Variants in LUZP2 observed in about 807,000 individuals in gnomAD.
The protein encoded by LUZP2 is leucine zipper protein 2.
LUZP2 carries 52 observed loss-of-function variants against 51.6 expected under a neutral mutation model. The observed-to-expected ratio is 1.01, with a 90% confidence interval of 0.81 to 1.27. The LOEUF (loss-of-function observed/expected upper bound fraction) is 1.27, where lower values mean the gene tolerates loss of function less well. LUZP2 is among the 50% of genes most tolerant of loss of function. The pLI is 0.00. For missense variants in LUZP2, 436 were observed against 395.4 expected, an observed-to-expected ratio of 1.10 and a Z score of -0.87; for synonymous variants, 154 against 137.3, an observed-to-expected ratio of 1.12 and a Z score of -0.85.
intron 5 of LUZP2, among the ~76,000 whole-genome samples, chr11:24,887,306 G>A (rs1258966013): frequency 1.3e-5 from 2 of 152,162 alleles, no homozygotes; most frequent in African/African-American, 4.8e-5. Flanking sequence ...GCAGGGATGT[G>A]CAATGAATCT....
At chr11:24,822,008 C>G (rs1170409973) in intron 5 of LUZP2, among the ~76,000 whole-genome samples, 2 of 149,856 alleles carry the variant, frequency 1.3e-5, no homozygotes, top group Non-Finnish European at 3.0e-5. Flanking sequence ...TGACAGTTTA[C>G]TTAATATTAT....
chr11:24,572,106 G>A (rs556349929), intron 1 of LUZP2, among the ~76,000 whole-genome samples: 49 of 151,934 alleles, frequency 3.2e-4, no homozygotes, highest in Non-Finnish European at 5.9e-4. Context: ...TATATGGGAC[G>A]GAAGCCCAAT....
chr11:24,710,830 G>GT (rs1207853242), intron 1 of LUZP2, among the ~76,000 whole-genome samples: 5 of 151,772 alleles, frequency 3.3e-5, no homozygotes, highest in African/African-American at 7.3e-5. Context: ...CAGGTACAAT[G>GT]TTTTAGTCAT....
At chr11:25,073,969 C>T (rs550890925) in intron 10 of LUZP2, among the ~76,000 whole-genome samples, 109 of 152,148 alleles carry the variant, frequency 7.2e-4, no homozygotes, top group Non-Finnish European at 1.2e-3. Flanking sequence ...CGAAGCCCAG[C>T]GAAAAATAAC....
At chr11:24,673,451 CT>C (rs1856459747) in intron 1 of LUZP2, among the ~76,000 whole-genome samples, 1 of 152,260 alleles carries the variant, frequency 6.6e-6, no homozygotes, top group African/African-American at 2.4e-5. Flanking sequence ...CTAGATGGTC[CT>C]TGCAGGGTGC....
At chr11:24,564,091 G>C (rs1473301792) in intron 1 of LUZP2, among the ~76,000 whole-genome samples, 1 of 152,098 alleles carries the variant, frequency 6.6e-6, no homozygotes, top group African/African-American at 2.4e-5. Flanking sequence ...TGACACTCCT[G>C]TGATTTTACT....
intron 9 of LUZP2, among the ~76,000 whole-genome samples, chr11:24,997,364 G>A (rs1177054056): frequency 2.6e-5 from 4 of 152,170 alleles, no homozygotes; most frequent in Non-Finnish European, 5.9e-5. Context: ...TTTCTCTGAT[G>A]GCCAGTGATG....
intron 1 of LUZP2, among the ~76,000 whole-genome samples, chr11:24,724,641 C>T (rs528592565): frequency 6.6e-6 from 1 of 152,238 alleles, no homozygotes; most frequent in South Asian, 2.1e-4. Flanking sequence ...CTATCACCTC[C>T]TCTATTCGAC....
intron 1 of LUZP2, among the ~76,000 whole-genome samples, chr11:24,630,386 C>A (rs549150193): frequency 3.3e-5 from 5 of 151,864 alleles, no homozygotes; most frequent in Non-Finnish European, 5.9e-5. Context: ...AATAAGGGTC[C>A]GGTTTTATTC....
chr11:24,608,276 A>G (rs1397070623), intron 1 of LUZP2, among the ~76,000 whole-genome samples: 3 of 152,212 alleles, frequency 2.0e-5, no homozygotes, highest in African/African-American at 4.8e-5. Flanking sequence ...TTGACTACCA[A>G]TTTAACACAG....
At chr11:24,833,932 A>G (rs1372972632) in intron 5 of LUZP2, among the ~76,000 whole-genome samples, 1 of 152,208 alleles carries the variant, frequency 6.6e-6, no homozygotes, top group East Asian at 1.9e-4. Flanking sequence ...GAAACATAAG[A>G]AAATGTCTGG....
At position 24,611,807 on chromosome 11, in the gene LUZP2, A is replaced by T. The variant is rs77505242; in HGVS notation, c.62+114502A>T. Reference sequence around the variant, plus strand: ...AATAAGAAAAGGGATACAAAGAGACATAACCGTAATTTATATAAACTGACT... The same window carrying T: ...AATAAGAAAAGGGATACAAAGAGACTTAACCGTAATTTATATAAACTGACT... On this transcript the variant is annotated intron_variant, in intron 1 of 11. Coordinates refer to ENST00000336930, the MANE Select transcript of LUZP2 (RefSeq NM_001009909.4). This position sits in a 1 kb window ranked among gnomAD's most constrained non-coding sequence, Gnocchi z 4.6. 2.6e-3 allele frequency among the ~76,000 whole-genome samples: 396 copies of T among 152,300 alleles called. 2 individuals are homozygous for T. The highest frequency in any genetic ancestry group is 9.3e-3 in the African/African-American group (386 of 41,578).
intron 9 of LUZP2, among the ~76,000 whole-genome samples, chr11:25,043,347 T>A (rs1298223290): frequency 6.6e-6 from 1 of 152,106 alleles, no homozygotes; most frequent in East Asian, 1.9e-4. Flanking sequence ...TCAATCTTTT[T>A]TTAATCCACA....
At chr11:24,771,904 T>C (rs140981439) in intron 5 of LUZP2, among the ~76,000 whole-genome samples, 1,875 of 152,268 alleles carry the variant, frequency 0.012, 29 homozygotes, top group African/African-American at 0.041. Context: ...ACCTCCATGA[T>C]TGTCAGACCT....
intron 1 of LUZP2, among the ~76,000 whole-genome samples, chr11:24,625,829 C>T (rs1854658223): frequency 6.6e-6 from 1 of 152,014 alleles, no homozygotes; most frequent in Admixed American, 6.6e-5. Flanking sequence ...AGCTGAATGG[C>T]ATGGTATTCA....
chr11:24,729,992 G>C (rs1490195992), intron 2 of LUZP2, among the ~76,000 whole-genome samples: 2 of 151,740 alleles, frequency 1.3e-5, no homozygotes, highest in East Asian at 3.9e-4. Context: ...TTTACATGTA[G>C]ACAATCTAGC....
chr11:24,569,983 A>G (rs1852381964), intron 1 of LUZP2, among the ~76,000 whole-genome samples: 2 of 152,130 alleles, frequency 1.3e-5, no homozygotes, highest in Admixed American at 1.3e-4. Flanking sequence ...CACATCATTT[A>G]CATACTGACA....
intron 9 of LUZP2, among the ~76,000 whole-genome samples, chr11:25,019,499 A>G (rs1019042422): frequency 6.6e-6 from 1 of 152,068 alleles, no homozygotes; most frequent in South Asian, 2.1e-4. Flanking sequence ...TGAATTTTTA[A>G]TTATTATTAT....
chr11:24,653,797 G>A (rs1855715281), intron 1 of LUZP2, among the ~76,000 whole-genome samples: 1 of 152,170 alleles, frequency 6.6e-6, no homozygotes, highest in Non-Finnish European at 1.5e-5. Context: ...GTTTCAAGAA[G>A]AGAGTCTACA....
Sources: allele counts gnomAD v4.1 joint callset (sites outside exome capture counted in the v4.1 genomes callset), GRCh38; gene constraint gnomAD v4.1.1; non-coding constraint Gnocchi (gnomAD v3.1); transcripts MANE v1.5; gene names NCBI Gene and HGNC (gene_info 2026-07-23, HGNC 2026-07-21).